EGFR: variants seen among roughly 807,000 people sequenced by gnomAD.
The protein encoded by EGFR is epidermal growth factor receptor.
Under a neutral mutation model 143.0 loss-of-function variants are expected in EGFR, and 58 were observed. The observed-to-expected ratio is 0.41, with a 90% CI of 0.33 to 0.50. The LOEUF (loss-of-function observed/expected upper bound fraction) is 0.50, where lower values mean the gene tolerates loss of function less well. EGFR is among the 20% of genes least tolerant of loss of function. EGFR has a pLI of 0.39. For missense variants in EGFR, 1,307 were observed against 1,579.0 expected, an observed-to-expected ratio of 0.83 and a Z score of 2.92; for synonymous variants, 613 against 594.4, an observed-to-expected ratio of 1.03 and a Z score of -0.45.
Position 55,194,556 on chromosome 7 carries a change from A to G in EGFR, c.2701+1715A>G, listed in dbSNP as rs571759967. On this transcript the variant is annotated intron_variant, in intron 22 of 27. Transcript: ENST00000275493. ...AACATCTTTCTTTGGTCCTCCAGGT[A>G]TGTTCAGATAAAACCTGAGCACCTG... Among the ~76,000 whole-genome samples, 17 of 152,272 alleles carry G rather than the reference A, an allele frequency of 1.1e-4. No homozygotes were observed. In the South Asian group the frequency reaches 3.5e-3, roughly 32 times the overall value.
intron 1 of EGFR, among the ~76,000 whole-genome samples, chr7:55,080,225 G>T (rs1790384957): frequency 6.6e-6 from 1 of 152,050 alleles, no homozygotes; most frequent in South Asian, 2.1e-4. Flanking sequence ...AGTGGCTCTG[G>T]CACCATTTGT....
intron 22 of EGFR, among the ~76,000 whole-genome samples, chr7:55,196,185 T>TTTTTTTTTTTTTTTTTTTTTTTTTTA (rs1787607436): frequency 7.0e-6 from 1 of 143,704 alleles, no homozygotes; most frequent in African/African-American, 2.6e-5. Flanking sequence ...GGGATTTTTT[T>TTTTTTTTTTTTTTTTTTTTTTTTTTA]TTTTTTTTAC....
chr7:55,185,471 C>G (rs1210713118), intron 20 of EGFR, among the ~76,000 whole-genome samples: 1 of 152,214 alleles, frequency 6.6e-6, no homozygotes, highest in South Asian at 2.1e-4. Flanking sequence ...CCAAAGATCC[C>G]GTCATCCGTG....
chr7:55,179,011 C>G (rs1031755283), intron 19 of EGFR, among the ~76,000 whole-genome samples: 1 of 152,210 alleles, frequency 6.6e-6, no homozygotes, highest in Non-Finnish European at 1.5e-5. Flanking sequence ...TCCAGGCCCT[C>G]AGAGCACTTG....
chr7:55,019,626 G>C (rs903192377), intron 1 of EGFR, among the ~76,000 whole-genome samples: 5 of 152,058 alleles, frequency 3.3e-5, no homozygotes, highest in Non-Finnish European at 5.9e-5. Context: ...AACGGCCGCC[G>C]GGACCTCCGG....
chr7:55,175,839 T>A (rs982085850), intron 19 of EGFR, among the ~76,000 whole-genome samples: 4 of 152,240 alleles, frequency 2.6e-5, no homozygotes, highest in African/African-American at 9.6e-5. Context: ...GGAGGAAATC[T>A]ACAGTTTAAT....
At chr7:55,186,165 T>A (rs758589982) in intron 20 of EGFR, among the ~76,000 whole-genome samples, 2 of 152,174 alleles carry the variant, frequency 1.3e-5, no homozygotes, top group Non-Finnish European at 2.9e-5. Context: ...GTGCGTGTCA[T>A]AGCACACAAG....
At chr7:55,132,654 GCTGA>G (rs143000843) in intron 1 of EGFR, among the ~76,000 whole-genome samples, 5,538 of 152,212 alleles carry the variant, frequency 0.036, 154 homozygotes, top group Non-Finnish European at 0.05. Flanking sequence ...CAGTTCTCGA[GCTGA>G]CTGACTTCTC....
intron 1 of EGFR, among the ~76,000 whole-genome samples, chr7:55,076,606 A>G (rs1184844388): frequency 6.6e-6 from 1 of 152,054 alleles, no homozygotes; most frequent in Non-Finnish European, 1.5e-5. Flanking sequence ...CAACATACTC[A>G]CACCCCTTCG....
intron 15 of EGFR, among the ~76,000 whole-genome samples, chr7:55,169,973 G>T (rs1210382876): frequency 6.6e-6 from 1 of 152,192 alleles, no homozygotes; most frequent in African/African-American, 2.4e-5. Context: ...ACTGCTATTA[G>T]GTCTGTTCCT....
rs144673665 is a variant in EGFR at position 55,125,127 on chromosome 7, G to C, written c.89-17159G>C. ...TGTGCTGCAGATGACACTCTCAGTG[G>C]TGGGACTCCAGGCTCTGCTGTCGCC... On this transcript the variant is annotated intron_variant, in intron 1 of 27. Transcript: ENST00000275493. Among the ~76,000 whole-genome samples the C allele has an allele frequency of 3.3e-3, 504 of 152,344 alleles. 2 individuals are homozygous for C. Among genetic ancestry groups the C allele is most frequent in the Admixed American group, 9.7e-3 (148 of 15,302 alleles).
rs116219551 is a variant in EGFR, at chr7:55,177,401, C to T, written c.2283+2581C>T. On this transcript the variant is annotated intron_variant, in intron 19 of 27. Coordinates refer to ENST00000275493, the MANE Select transcript of EGFR (RefSeq NM_005228.5). ...GTGCTCTTAGAAAGACTCACATGCA[C>T]GCATGCACGGCAGCAATGACTCCAT... 7.6e-3 allele frequency among the ~76,000 whole-genome samples: 1,151 copies of T among 152,296 alleles called. 18 individuals carry two copies. The highest frequency in any genetic ancestry group is 0.026 in the African/African-American group (1,075 of 41,558).
At chr7:55,185,679 TA>T (rs1411977860) in intron 20 of EGFR, among the ~76,000 whole-genome samples, 3 of 152,308 alleles carry the variant, frequency 2.0e-5, no homozygotes, top group African/African-American at 7.2e-5. Context: ...TGTGGTTCTG[TA>T]GTACAGCAAA....
At chr7:55,170,450 T>C in intron 15 of EGFR, 1 of 1,614,166 alleles carries the variant, frequency 6.2e-7, no homozygotes, top group Non-Finnish European at 8.5e-7. Flanking sequence ...CCTTCTCTTC[T>C]GCCGTCAGAG....
intron 15 of EGFR, chr7:55,170,156 G>A: frequency 7.2e-7 from 1 of 1,383,116 alleles, no homozygotes. Context: ...TGGAAAAGAG[G>A]GAGCACCCAG....
chr7:55,152,494 A>G, intron 5 of EGFR, 52 bp from the exon 6 acceptor site: 1 of 1,529,250 alleles, frequency 6.5e-7, no homozygotes, highest in Non-Finnish European at 9.1e-7. Flanking sequence ...ATCCCTGGGA[A>G]ATGATCCTAC....
chr7:55,154,561 G>A (rs987749311), intron 7 of EGFR, among the ~76,000 whole-genome samples: 2 of 152,264 alleles, frequency 1.3e-5, no homozygotes, highest in African/African-American at 4.8e-5. Flanking sequence ...AAATCAGAGA[G>A]TCTATCAGAA....
chr7:55,054,677 C>T (rs567536296), intron 1 of EGFR, among the ~76,000 whole-genome samples: 2 of 152,302 alleles, frequency 1.3e-5, no homozygotes, highest in South Asian at 2.1e-4. Context: ...ACAGAGAGTG[C>T]AGAATGTGTG....
At chr7:55,161,083 G>C (rs1366299977) in intron 12 of EGFR, among the ~76,000 whole-genome samples, 1 of 152,174 alleles carries the variant, frequency 6.6e-6, no homozygotes, top group Non-Finnish European at 1.5e-5. Context: ...AACACACCCT[G>C]TGCCCAGCAG....
Sources: allele counts gnomAD v4.1 joint callset (sites outside exome capture counted in the v4.1 genomes callset), GRCh38; gene constraint gnomAD v4.1.1; transcripts MANE v1.5; gene names NCBI Gene and HGNC (gene_info 2026-07-23, HGNC 2026-07-21).